DNAAF1: variants seen among roughly 807,000 people sequenced by gnomAD.
The protein encoded by DNAAF1 is dynein assembly factor 1, axonemal.
A neutral mutation model predicts 71.1 loss-of-function variants in DNAAF1; 65 were observed. The ratio of observed to expected loss-of-function variants is 0.91; its 90% CI spans 0.75 to 1.12. The LOEUF (loss-of-function observed/expected upper bound fraction) is 1.12, where lower values mean the gene tolerates loss of function less well. Among genes scored for constraint, DNAAF1 ranks in the 50% most tolerant of loss-of-function variants. The pLI, the probability that DNAAF1 is intolerant of heterozygous loss-of-function variation, is 0.00. For missense variants in DNAAF1, 1,178 were observed against 899.8 expected (o/e 1.31, Z -3.96); for synonymous variants, 414 against 354.6 (o/e 1.17, Z -1.88).
intron 10 of DNAAF1, chr16:84,175,574 G>A: frequency 3.3e-6 from 1 of 307,542 alleles, no homozygotes; most frequent in Non-Finnish European, 6.2e-6. Context: ...AGTTACTGTG[G>A]GGGGCCTGCT....
In DNAAF1 at chr16:84,176,304, G is replaced by C. The variant is rs774606576; in HGVS notation, c.2065+5G>C. On this transcript the variant is annotated splice_donor_5th_base_variant and intron_variant, in intron 11 of 11. Transcript: ENST00000378553. ...TCCTTGCAGCCTCTTCTCCGGGTAA[G>C]AGCGTGGGGCCGAGAGCACAGTGGA... 3.1e-6 allele frequency: 5 copies of C among 1,613,180 alleles called. No individual in the cohort carries two copies. The highest frequency in any genetic ancestry group is 3.4e-6 in the Non-Finnish European group (4 of 1,179,956).
intron 9 of DNAAF1, chr16:84,174,435 T>A: frequency 7.1e-7 from 1 of 1,412,568 alleles, no homozygotes; most frequent in East Asian, 2.6e-5. Flanking sequence ...TTTAAACACG[T>A]CACACCTTGC....
chr16:84,149,436 A>G (rs1008092520), intron 2 of DNAAF1, among the ~76,000 whole-genome samples: 2 of 152,186 alleles, frequency 1.3e-5, no homozygotes, highest in African/African-American at 4.8e-5. Context: ...TCATGCCTGT[A>G]ATCCCAGCAC....
At chr16:84,169,721 C>T (rs2088222566) in intron 7 of DNAAF1, 138 bp from the exon 8 acceptor site, 3 of 1,283,066 alleles carry the variant, frequency 2.3e-6, no homozygotes, top group Admixed American at 1.8e-5. Context: ...GCGCCCAGCC[C>T]CTTGAGGACA....
chr16:84,159,588 G>C (rs1262755765), intron 5 of DNAAF1, 87 bp from the exon 6 acceptor site: 3 of 1,515,738 alleles, frequency 2.0e-6, no homozygotes, highest in Admixed American at 2.0e-5. Context: ...AATAGATTTT[G>C]TTCATTTATT....
At chr16:84,157,936 A>G (rs1037212449) in intron 5 of DNAAF1, among the ~76,000 whole-genome samples, 3 of 152,140 alleles carry the variant, frequency 2.0e-5, no homozygotes, top group Admixed American at 6.5e-5. Context: ...GGCCAGGCAC[A>G]GTGGCTCACG....
intron 7 of DNAAF1, among the ~76,000 whole-genome samples, chr16:84,168,827 T>TACACACACATACAC (rs1555524816): frequency 6.9e-6 from 1 of 145,888 alleles, no homozygotes; most frequent in Non-Finnish European, 1.5e-5. Context: ...ATTTGCCACA[T>TACACACACATACAC]ACACACACAC....
At chr16:84,150,853 AT>A (rs2087151202) in intron 3 of DNAAF1, among the ~76,000 whole-genome samples, 1 of 152,116 alleles carries the variant, frequency 6.6e-6, no homozygotes, top group South Asian at 2.1e-4. Flanking sequence ...AACCCAGTCG[AT>A]CCAGCTGCCT....
chr16:84,172,608 C>G, intron 9 of DNAAF1: 3 of 1,356,520 alleles, frequency 2.2e-6, no homozygotes, highest in African/African-American at 1.5e-5. Flanking sequence ...CATGCATGCT[C>G]AAGTTTGGGG....
chr16:84,172,650 T>C (rs1455430982), intron 9 of DNAAF1: 1 of 1,294,780 alleles, frequency 7.7e-7, no homozygotes, highest in Non-Finnish European at 9.9e-7. Context: ...CCTTGAACCA[T>C]GTCTACCAAA....
In DNAAF1 at chr16:84,175,982, G is replaced by C. The variant is rs1488717484; in HGVS notation, c.1748G>C (p.Ser583Thr). ...GTCATCTCGAGCTTGAGTGATGACA[G>C]TGACCCTGAACTGGACTACACGTCA... ...IEVISSLSDD[S>T]DPELDYTSLP... The change falls in exon 11 of 12, where the codon AGT becomes ACT. Residue 583 changes from serine (S) to threonine (T), a missense_variant. By Grantham distance (58) the Ser-to-Thr change is moderately conservative. Transcript: ENST00000378553. The C allele has an allele frequency of 2.5e-6, 4 of 1,613,998 alleles. No homozygotes were observed. Among genetic ancestry groups the C allele is most frequent in the Non-Finnish European group, 8.5e-7 (1 of 1,179,984 alleles).
chr16:84,163,873 T>TGGA (rs1555523655), intron 6 of DNAAF1, among the ~76,000 whole-genome samples: 1 of 149,362 alleles, frequency 6.7e-6, no homozygotes, highest in Admixed American at 6.6e-5. Context: ...TTTTTTTTTT[T>TGGA]GTGGGGGACA....
chr16:84,164,635 G>C (rs1691504518), intron 6 of DNAAF1, among the ~76,000 whole-genome samples: 1 of 152,090 alleles, frequency 6.6e-6, no homozygotes, highest in Admixed American at 6.6e-5. Flanking sequence ...CCTCCGTCTG[G>C]GTGTGCCAGA....
rs2087620395 is a variant in DNAAF1 at position 84,159,879 on chromosome 16, T to C, written c.863+83T>C. ...ATATTAAACTTTTTAAATTTCTGAT[T>C]CTTGAGAAATTTCACATATCAAAAA... On this transcript the variant is annotated intron_variant, in intron 6 of 11. Transcript: ENST00000378553. 4 of 1,523,202 alleles carry C rather than the reference T, an allele frequency of 2.6e-6. No homozygotes were observed. In the Admixed American group the frequency reaches 6.9e-5, roughly 26 times the overall value. The allele number at this position is 1,523,202 out of a possible 1,614,324, so 94.4% of individuals were successfully genotyped here. A position where few individuals can be genotyped will look rare whatever the true frequency, so the allele number is the denominator to read the frequency against.
Position 84,172,328 on chromosome 16 carries a change from G to T in DNAAF1, c.1597G>T (p.Asp533Tyr). 1 of 1,614,258 alleles carries T rather than the reference G, an allele frequency of 6.2e-7. No individual in the cohort carries two copies. The highest frequency in any genetic ancestry group is 8.5e-7 in the Non-Finnish European group (1 of 1,180,048). Residue 533 changes from aspartate (D) to tyrosine (Y), a missense_variant, in exon 9 of 12, where the codon GAT becomes TAT. Coordinates refer to ENST00000378553, the MANE Select transcript of DNAAF1 (RefSeq NM_178452.6). Reference protein sequence around the residue: ...VTELDGTRTEDLETIRLETKE... With the variant: ...VTELDGTRTEYLETIRLETKE... ...AGAACTTGATGGAACGAGAACGGAA[G>T]ATTTAGAAACCATTAGACTGGAGAC...
At chr16:84,152,031 TGAG>T (rs2087209708) in intron 3 of DNAAF1, among the ~76,000 whole-genome samples, 1 of 152,168 alleles carries the variant, frequency 6.6e-6, no homozygotes, top group Non-Finnish European at 1.5e-5. Context: ...CCAGAGAGCC[TGAG>T]GAGGAAGCTG....
At chr16:84,151,492 C>A (rs535545099) in intron 3 of DNAAF1, among the ~76,000 whole-genome samples, 2 of 152,082 alleles carry the variant, frequency 1.3e-5, no homozygotes, top group Non-Finnish European at 2.9e-5. Context: ...TGCCGGGGGA[C>A]TGATACTTAA....
rs780437353 is a variant in DNAAF1, at chr16:84,177,613, G to A, written c.2066-116G>A. On this transcript the variant is annotated intron_variant, in intron 11 of 11. Coordinates refer to ENST00000378553, the MANE Select transcript of DNAAF1 (RefSeq NM_178452.6). ...CAAAGTGCTGGGATTACAGGTATGA[G>A]CCACCACGCCCAGTTGAGGACACTG... 2.1e-5 allele frequency: 18 copies of A among 857,760 alleles called. No homozygotes were observed. In the Admixed American group the frequency reaches 2.9e-4, roughly 14 times the overall value. 53.1% of individuals were successfully genotyped at this position (857,760 alleles called of 1,614,324 possible). A position where few individuals can be genotyped will look rare whatever the true frequency, so the allele number is the denominator to read the frequency against.
rs755245356 is a variant in DNAAF1, at chr16:84,175,988, C to A, written c.1754C>A (p.Pro585His). The change falls in exon 11 of 12, where the codon CCT (proline) becomes CAT (histidine). Residue 585 changes from proline (P) to histidine (H), a missense_variant. Pro to His is a moderately conservative substitution (Grantham distance 77, BLOSUM62 -2). Coordinates refer to ENST00000378553, the MANE Select transcript of DNAAF1 (RefSeq NM_178452.6). ...TCGAGCTTGAGTGATGACAGTGACC[C>A]TGAACTGGACTACACGTCACTCCCT... ...VISSLSDDSD[P>H]ELDYTSLPVL... is the part of the protein sequence containing the mutation. 1 of 1,614,140 alleles carries A rather than the reference C, an allele frequency of 6.2e-7. No homozygotes were observed. The highest frequency in any genetic ancestry group is 2.2e-5 in the East Asian group (1 of 44,890).
Sources: gnomAD v4.1 joint callset for allele counts (sites outside exome capture counted in the v4.1 genomes callset) on GRCh38, gnomAD v4.1.1 for gene constraint, MANE v1.5 for transcripts, NCBI Gene and HGNC (gene_info 2026-07-23, HGNC 2026-07-21) for gene names.